The following PLXNA1 variants were observed in gnomAD, a reference collection of about 807,000 sequenced individuals.
PLXNA1 encodes plexin-A1.
Under a neutral mutation model 191.7 loss-of-function variants are expected in PLXNA1, and 77 were observed. The ratio of observed to expected loss-of-function variants is 0.40; its 90% CI spans 0.33 to 0.49. The LOEUF (loss-of-function observed/expected upper bound fraction) is 0.49, where lower values mean the gene tolerates loss of function less well. Ranked by LOEUF, PLXNA1 falls within the 20% of genes least tolerant of loss-of-function variation. The probability of loss-of-function intolerance (pLI) is 0.63; values close to 1 mark genes in which losing one functional copy is unlikely to be tolerated. For synonymous variants in PLXNA1, 1,137 were observed against 1,156.4 expected, an observed-to-expected ratio of 0.98 and a Z score of 0.34; for missense variants, 2,110 against 2,660.2, an observed-to-expected ratio of 0.79 and a Z score of 4.55.
intron 14 of PLXNA1, 74 bp downstream of exon 14, chr3:127,014,905 C>A: frequency 6.4e-7 from 1 of 1,552,206 alleles, no homozygotes; most frequent in Admixed American, 1.8e-5. Context: ...TTCTGTGCCT[C>A]TTCAGGGCCC....
chr3:127,020,122 T>C, intron 20 of PLXNA1, 80 bp from the exon 21 acceptor site: 1 of 1,527,146 alleles, frequency 6.5e-7, no homozygotes, highest in Admixed American at 1.8e-5. Context: ...GGATTTGATG[T>C]AGGCCCCAAG....
intron 15 of PLXNA1, among the ~76,000 whole-genome samples, chr3:127,015,752 A>G (rs1191436998): frequency 6.6e-6 from 1 of 152,170 alleles, no homozygotes; most frequent in Non-Finnish European, 1.5e-5. Context: ...CAGACTAATC[A>G]TTGGTGTCTG....
At chr3:127,006,249 A>G (rs2079068660) in intron 8 of PLXNA1, 71 bp downstream of exon 8, 1 of 1,201,824 alleles carries the variant, frequency 8.3e-7, no homozygotes, top group Non-Finnish European at 1.2e-6. Flanking sequence ...CTGTGGTCCC[A>G]CTGTGCTTGC....
chr3:127,011,892 G>A (rs573369073), intron 9 of PLXNA1, 66 bp from the exon 10 acceptor site: 181 of 1,426,982 alleles, frequency 1.3e-4, no homozygotes, highest in Admixed American at 8.3e-4. Flanking sequence ...CATCTGGAGC[G>A]TAGTGGGGTG....
chr3:127,001,771 C>T (rs764369729), intron 3 of PLXNA1, among the ~76,000 whole-genome samples: 27 of 152,224 alleles, frequency 1.8e-4, no homozygotes, highest in Middle Eastern at 3.2e-3. Flanking sequence ...CCCCTGCTCC[C>T]GCCTGGCACA....
chr3:126,989,374 C>G lies in PLXNA1; in HGVS notation c.781C>G (p.Leu261Val). ...RSEQFVYYLT[L>V]QLDTQLTSPD... ...CGAGCAGTTTGTCTACTACCTCACG[C>G]TGCAGCTAGACACACAGCTGACCTC... The change falls in exon 2 of 32, where the codon CTG becomes GTG. Residue 261 changes from leucine to valine, a missense_variant. By Grantham distance (32) the Leu-to-Val change is conservative. Coordinates refer to ENST00000393409, the MANE Select transcript of PLXNA1 (RefSeq NM_032242.4). 1 of 1,613,620 alleles carries G rather than the reference C, an allele frequency of 6.2e-7. No individual in the cohort carries two copies. Among genetic ancestry groups the G allele is most frequent in the Non-Finnish European group, 8.5e-7 (1 of 1,180,052 alleles).
intron 7 of PLXNA1, among the ~76,000 whole-genome samples, chr3:127,005,666 G>A (rs374178298): frequency 5.9e-5 from 9 of 152,146 alleles, no homozygotes; most frequent in Admixed American, 1.3e-4. Flanking sequence ...ACCACATGGC[G>A]GAGACCTGGG....
At chr3:127,032,910 C>T (rs569234509) in intron 31 of PLXNA1, 74 bp downstream of exon 31, 20 of 1,458,698 alleles carry the variant, frequency 1.4e-5, no homozygotes, top group South Asian at 1.3e-4. Flanking sequence ...TGCTCTGCCC[C>T]GCCCTGCCAC....
At chr3:127,014,441 T>C (rs777145090) in intron 12 of PLXNA1, 37 bp from the exon 13 acceptor site, 151 of 1,590,152 alleles carry the variant, frequency 9.5e-5, no homozygotes, top group Non-Finnish European at 1.2e-4. Context: ...CCCTACGCCC[T>C]GTGGGATGCC....
At chr3:127,018,580 C>A (rs560110955) in intron 20 of PLXNA1, 52 bp downstream of exon 20, 1 of 1,434,326 alleles carries the variant, frequency 7.0e-7, no homozygotes, top group African/African-American at 1.4e-5. Flanking sequence ...GAGCCAGGCC[C>A]TGGCCTGTCC....
rs1481381871 is a variant in PLXNA1 at position 127,030,310 on chromosome 3, C to T, written c.5129C>T (p.Ala1710Val). 1.1e-5 allele frequency: 17 copies of T among 1,613,984 alleles called. No homozygotes were observed. Among genetic ancestry groups the T allele is most frequent in the Non-Finnish European group, 1.4e-5 (16 of 1,180,024 alleles). The part of the protein sequence containing the change: ...TIFSTAHRGS[A>V]LPLAIKYMFD... ...TTCAGCACGGCACACCGGGGCTCAG[C>T]CCTGCCGCTGGCCATCAAGTACATG... The change falls in exon 29 of 32, where the codon GCC becomes GTC. Residue 1710 changes from alanine to valine, a missense_variant. Around this residue, in one of 4 missense-constraint regions of PLXNA1, gnomAD observed 559 missense variants for 911.5 expected, o/e 0.61. Coordinates refer to ENST00000393409, the MANE Select transcript of PLXNA1 (RefSeq NM_032242.4).
intron 31 of PLXNA1, among the ~76,000 whole-genome samples, chr3:127,033,308 C>T (rs757498251): frequency 3.3e-5 from 5 of 152,186 alleles, no homozygotes; most frequent in East Asian, 1.9e-4. Flanking sequence ...GCTCCTGGGC[C>T]GCACAGGATG....
rs1219392253 is a variant in PLXNA1, at chr3:126,983,129, T to G, written c.-232T>G. ...CTCGGCGCCCCATTCATGCTGGGCATCGGCTGCGCGGCCACGCAGCGGAGC... is the reference window on the plus strand; with the variant it reads ...CTCGGCGCCCCATTCATGCTGGGCAGCGGCTGCGCGGCCACGCAGCGGAGC... On this transcript the variant is annotated 5_prime_UTR_variant, in exon 1 of 32. Coordinates refer to ENST00000393409, the MANE Select transcript of PLXNA1 (RefSeq NM_032242.4). 2.8e-5 allele frequency among the ~76,000 whole-genome samples: 4 copies of G among 144,856 alleles called. No homozygotes were observed. Among genetic ancestry groups the G allele is most frequent in the African/African-American group, 9.9e-5 (4 of 40,404 alleles).
At chr3:127,015,033 G>T in intron 14 of PLXNA1, 151 bp from the exon 15 acceptor site, 1 of 1,341,252 alleles carries the variant, frequency 7.5e-7, no homozygotes, top group East Asian at 2.4e-5. Flanking sequence ...TGAGAAACCT[G>T]GAAGTACTGG....
At position 127,032,827 on chromosome 3, in the gene PLXNA1, C is replaced by T. The variant is rs940721671; in HGVS notation, c.5586C>T (p.Tyr1862=). The change falls in exon 31 of 32, where the codon TAC becomes TAT. Residue 1862 remains tyrosine (Y), a synonymous_variant. Coordinates refer to ENST00000393409, the MANE Select transcript of PLXNA1 (RefSeq NM_032242.4). The part of the protein sequence containing the change: ...LHEIYSYITK[Y]KDEILAALEK... ...AGATCTACTCCTACATCACCAAGTA[C>T]AAGGATGAGGTGAACACCGTGGGAG... 4 of 1,612,998 alleles carry T rather than the reference C, an allele frequency of 2.5e-6. No homozygotes were observed. Among genetic ancestry groups the T allele is most frequent in the Non-Finnish European group, 3.4e-6 (4 of 1,179,948 alleles).
At position 127,022,746 on chromosome 3, in the gene PLXNA1, C is replaced by T; in HGVS notation, c.4296-6C>T. On this transcript the variant is annotated splice_polypyrimidine_tract_variant and splice_region_variant and intron_variant, in intron 22 of 31. Coordinates refer to ENST00000393409, the MANE Select transcript of PLXNA1 (RefSeq NM_032242.4). ...CACCACTCTGCCCATATTCTGTGCT[C>T]CCCAGGACTGAGTCGGTGGCAGAGA... 1 of 1,613,498 alleles carries T rather than the reference C, an allele frequency of 6.2e-7. No individual in the cohort carries two copies.
chr3:127,013,913 G>C, intron 10 of PLXNA1, 107 bp from the exon 11 acceptor site: 1 of 956,576 alleles, frequency 1.0e-6, no homozygotes, highest in Non-Finnish European at 1.7e-6. Context: ...GGTTGTGGCT[G>C]CAGAAACTTC....
chr3:126,989,545 A>C lies in PLXNA1; in HGVS notation c.952A>C (p.Ser318Arg). ...CCGCCTGGTGCAGGATGCCTACCTGAGCCGGCCCGGCCGTGCCCTGGCCCA... is the reference window on the plus strand; with the variant it reads ...CCGCCTGGTGCAGGATGCCTACCTGCGCCGGCCCGGCCGTGCCCTGGCCCA... ...EYRLVQDAYLSRPGRALAHQL... is the reference protein window; with the variant it reads ...EYRLVQDAYLRRPGRALAHQL... Residue 318 changes from serine (S) to arginine (R), a missense_variant, in exon 2 of 32, where the codon AGC (serine) becomes CGC (arginine). By Grantham distance (110) the Ser-to-Arg change is moderately radical (BLOSUM62 -1). Coordinates refer to ENST00000393409, the MANE Select transcript of PLXNA1 (RefSeq NM_032242.4). 6.2e-7 allele frequency: 1 copy of C among 1,613,174 alleles called. No individual in the cohort carries two copies. Among genetic ancestry groups the C allele is most frequent in the Non-Finnish European group, 8.5e-7 (1 of 1,180,028 alleles).
chr3:127,021,545 C>G (rs2079152168), intron 21 of PLXNA1, among the ~76,000 whole-genome samples: 2 of 152,242 alleles, frequency 1.3e-5, no homozygotes, highest in African/African-American at 4.8e-5. Flanking sequence ...CTCTTCCTGT[C>G]TCCAACCTTG....
Sources: gnomAD v4.1 joint callset for allele counts (sites outside exome capture counted in the v4.1 genomes callset) on GRCh38, gnomAD v4.1.1 for gene constraint, gnomAD v4.1.1 regional missense constraint, MANE v1.5 for transcripts, NCBI Gene and HGNC (gene_info 2026-07-23, HGNC 2026-07-21) for gene names.